CFAP206: variants seen among roughly 807,000 people sequenced by gnomAD.
CFAP206 encodes cilia- and flagella-associated protein 206.
CFAP206 carries 53 observed loss-of-function variants against 65.4 expected under a neutral mutation model. The observed-to-expected ratio is 0.81, with a 90% confidence interval of 0.65 to 1.02. The LOEUF is 1.02. CFAP206 is among the 50% of genes least tolerant of loss of function. CFAP206 has a pLI of 0.00. For synonymous variants in CFAP206, 250 were observed against 254.4 expected (o/e 0.98, Z 0.17); for missense variants, 663 against 753.2 (o/e 0.88, Z 1.40).
At chr6:87,413,105 C>G (rs1767765534) in intron 3 of CFAP206, among the ~76,000 whole-genome samples, 1 of 152,192 alleles carries the variant, frequency 6.6e-6, no homozygotes, top group African/African-American at 2.4e-5. Context: ...ACCAAAACAT[C>G]AGGTTTCTTG....
chr6:87,408,534 GCA>G (rs1767669572), intron 1 of CFAP206: 1 of 72,218 alleles, frequency 1.4e-5, no homozygotes, highest in East Asian at 3.2e-4. Flanking sequence ...TCCGGAGCGC[GCA>G]CACAGATCCG....
chr6:87,417,335 CA>C (rs1476818056), intron 6 of CFAP206, among the ~76,000 whole-genome samples: 1 of 151,904 alleles, frequency 6.6e-6, no homozygotes, highest in Non-Finnish European at 1.5e-5. Flanking sequence ...AAGTACCTAC[CA>C]GTAGAAGTAA....
At position 87,423,519 on chromosome 6, in the gene CFAP206, G is replaced by A. The variant is rs145119181; in HGVS notation, c.841-3007G>A. On this transcript the variant is annotated intron_variant, in intron 7 of 12. Transcript: ENST00000369562. ...CCGCCTCCGCCTCCCAAAGTGCTGG[G>A]ATTACAGGCGTGAGCCACCGCGCCC... Among the ~76,000 whole-genome samples the A allele has an allele frequency of 4.0e-3, 613 of 152,306 alleles. 4 individuals carry two copies. Among genetic ancestry groups the A allele is most frequent in the African/African-American group, 0.013 (556 of 41,558 alleles).
At chr6:87,455,936 A>G (rs1273481851) in intron 11 of CFAP206, among the ~76,000 whole-genome samples, 1 of 152,226 alleles carries the variant, frequency 6.6e-6, no homozygotes. Context: ...CATTTAAAGA[A>G]GGATGAATAT....
In CFAP206 at chr6:87,415,694, C is replaced by T. The variant is rs750672997; in HGVS notation, c.292C>T (p.Leu98Phe). 6.2e-7 allele frequency: 1 copy of T among 1,600,322 alleles called. No homozygotes were observed. The highest frequency in any genetic ancestry group is 8.5e-7 in the Non-Finnish European group (1 of 1,173,980). Reference sequence around the variant, plus strand: ...TTATTTGGCAATTTTAGTGGAATTTCTCGAAGAACATCACCGGGTCCTAGA... The same window carrying T: ...TTATTTGGCAATTTTAGTGGAATTTTTCGAAGAACATCACCGGGTCCTAGA... ...DMNYTNRVEFLEEHHRVLESR... is the reference protein window; with the variant it reads ...DMNYTNRVEFFEEHHRVLESR... Residue 98 changes from leucine (L) to phenylalanine (F), a missense_variant, in exon 5 of 13, where the codon CTC becomes TTC. Coordinates refer to ENST00000369562, the MANE Select transcript of CFAP206 (RefSeq NM_001031743.3).
chr6:87,413,565 A>G (rs1767773087), intron 3 of CFAP206, among the ~76,000 whole-genome samples: 1 of 152,132 alleles, frequency 6.6e-6, no homozygotes, highest in Non-Finnish European at 1.5e-5. Context: ...TCACCACTAC[A>G]CGCAATATAT....
chr6:87,429,587 T>C (rs1768123153), intron 9 of CFAP206, among the ~76,000 whole-genome samples: 1 of 152,208 alleles, frequency 6.6e-6, no homozygotes, highest in Non-Finnish European at 1.5e-5. Flanking sequence ...GATGCATTGA[T>C]TCTTACAGAA....
intron 7 of CFAP206, among the ~76,000 whole-genome samples, chr6:87,419,116 CGTTT>C (rs1244446018): frequency 3.3e-5 from 5 of 149,312 alleles, no homozygotes; most frequent in African/African-American, 1.2e-4. Flanking sequence ...CTCAAAAAAA[CGTTT>C]GTTTTTTTTT....
At chr6:87,461,819 A>G (rs2295088) in intron 12 of CFAP206, among the ~76,000 whole-genome samples, 44,236 of 152,098 alleles carry the variant, frequency 0.29, 6,557 homozygotes, top group Admixed American at 0.39. Context: ...AGAACAAAGC[A>G]AGGCTATTTA....
At chr6:87,414,175 T>G (rs554234477) in intron 4 of CFAP206, among the ~76,000 whole-genome samples, 1 of 152,236 alleles carries the variant, frequency 6.6e-6, no homozygotes, top group Non-Finnish European at 1.5e-5. Context: ...CCATTGAAGT[T>G]AAAAGTTTTT....
At position 87,461,070 on chromosome 6, in the gene CFAP206, A is replaced by C. The variant is rs1400944715; in HGVS notation, c.1543A>C (p.Ser515Arg). Residue 515 changes from serine to arginine, a missense_variant, in exon 12 of 13, where the codon AGT becomes CGT. Transcript: ENST00000369562. ...HYIKPITKCE[S>R]STQTNTHILP... ...TATAAAACCAATTACAAAATGTGAA[A>C]GTAGCACACAGACGAATACACACAT... is the stretch of plus-strand genomic sequence containing the variant. 1 of 1,591,074 alleles carries C rather than the reference A, an allele frequency of 6.3e-7. No homozygotes were observed. The highest frequency in any genetic ancestry group is 8.5e-7 in the Non-Finnish European group (1 of 1,172,122).
chr6:87,462,574 G>A (rs962639049), intron 12 of CFAP206, among the ~76,000 whole-genome samples: 9 of 151,954 alleles, frequency 5.9e-5, no homozygotes, highest in African/African-American at 2.2e-4. Flanking sequence ...TAACAGAAGT[G>A]AAATGAAAAT....
chr6:87,416,455 A>G (rs192115628), intron 5 of CFAP206, among the ~76,000 whole-genome samples: 19 of 152,298 alleles, frequency 1.2e-4, no homozygotes, highest in African/African-American at 4.1e-4. Context: ...TTAATTATTA[A>G]AAATGGACAT....
chr6:87,419,066 C>A (rs1767892018), intron 7 of CFAP206, among the ~76,000 whole-genome samples: 1 of 135,718 alleles, frequency 7.4e-6, no homozygotes, highest in South Asian at 2.2e-4. Context: ...GAGCCAAGAT[C>A]ACACCACTGC....
At chr6:87,438,601 G>A (rs1768312995) in intron 11 of CFAP206, among the ~76,000 whole-genome samples, 1 of 151,930 alleles carries the variant, frequency 6.6e-6, no homozygotes, top group South Asian at 2.1e-4. Flanking sequence ...AGAGTCTTTT[G>A]TGATAATTTT....
rs1193298917 is a variant in CFAP206 at position 87,461,098 on chromosome 6, T to A, written c.1571T>A (p.Leu524Gln). The part of the protein sequence containing the change: ...ESSTQTNTHI[L>Q]PPTIVRSYEW... ...AGCACACAGACGAATACACACATACTGCCACCAACGATTGTGAGATCATAT... is the reference window on the plus strand; with the variant it reads ...AGCACACAGACGAATACACACATACAGCCACCAACGATTGTGAGATCATAT... The change falls in exon 12 of 13, where the codon CTG becomes CAG. Residue 524 changes from leucine (L) to glutamine (Q), a missense_variant. Coordinates refer to ENST00000369562, the MANE Select transcript of CFAP206 (RefSeq NM_001031743.3). The A allele has an allele frequency of 1.9e-6, 3 of 1,593,624 alleles. No individual in the cohort carries two copies. In the African/African-American group the frequency reaches 4.1e-5, roughly 22 times the overall value.
intron 11 of CFAP206, chr6:87,444,721 A>T: frequency 5.5e-6 from 2 of 363,784 alleles, no homozygotes; most frequent in African/African-American, 2.2e-5. Flanking sequence ...TTTTTCTTTG[A>T]TCGCTCACTC....
At chr6:87,412,822 G>A (rs759061909) in intron 3 of CFAP206, among the ~76,000 whole-genome samples, 3 of 151,972 alleles carry the variant, frequency 2.0e-5, no homozygotes, top group African/African-American at 4.8e-5. Flanking sequence ...CACCATGCCT[G>A]GCTAATTGTT....
At chr6:87,437,311 G>A (rs1402020044) in intron 11 of CFAP206, among the ~76,000 whole-genome samples, 3 of 151,796 alleles carry the variant, frequency 2.0e-5, no homozygotes, top group African/African-American at 4.8e-5. Flanking sequence ...GTGATGTTTA[G>A]CATTTCTTCT....
Sources: allele counts gnomAD v4.1 joint callset (sites outside exome capture counted in the v4.1 genomes callset), GRCh38; gene constraint gnomAD v4.1.1; transcripts MANE v1.5; gene names NCBI Gene and HGNC (gene_info 2026-07-23, HGNC 2026-07-21).